Variants in ADAM18 observed in about 807,000 individuals in gnomAD.
ADAM18 encodes disintegrin and metalloproteinase domain-containing protein 18.
In ADAM18, 117 loss-of-function variants were observed where a neutral mutation model predicts 94.4. The ratio of observed to expected loss-of-function variants is 1.24; its 90% CI spans 1.07 to 1.45. The LOEUF is 1.45. ADAM18 is among the 40% of genes most tolerant of loss of function. The probability of loss-of-function intolerance (pLI) is 0.00; values close to 1 mark genes in which losing one functional copy is unlikely to be tolerated. For synonymous variants in ADAM18, 327 were observed against 291.6 expected (o/e 1.12, Z -1.24); for missense variants, 936 against 880.0 (o/e 1.06, Z -0.81).
chr8:39,590,136 G>T (rs958184824), intron 2 of ADAM18, among the ~76,000 whole-genome samples: 1 of 151,486 alleles, frequency 6.6e-6, no homozygotes, highest in Admixed American at 6.6e-5. Context: ...ACATGCACAC[G>T]TATGTTTATT....
chr8:39,675,958 C>T (rs952792768), intron 14 of ADAM18, among the ~76,000 whole-genome samples: 4 of 152,224 alleles, frequency 2.6e-5, no homozygotes, highest in African/African-American at 9.6e-5. Context: ...CCAGTGGAGG[C>T]TGCAGAACAG....
At chr8:39,643,097 T>A (rs1359441757) in intron 10 of ADAM18, among the ~76,000 whole-genome samples, 2 of 152,154 alleles carry the variant, frequency 1.3e-5, no homozygotes, top group Non-Finnish European at 2.9e-5. Context: ...TTATTGTTGG[T>A]GTATAGGAAT....
At chr8:39,672,601 C>T (rs1038004829) in intron 14 of ADAM18, among the ~76,000 whole-genome samples, 11 of 152,268 alleles carry the variant, frequency 7.2e-5, no homozygotes, top group African/African-American at 2.2e-4. Context: ...GTAAATATCG[C>T]AATGTTAGGT....
At chr8:39,668,636 G>A (rs1376137228) in intron 14 of ADAM18, among the ~76,000 whole-genome samples, 2 of 152,094 alleles carry the variant, frequency 1.3e-5, no homozygotes, top group African/African-American at 4.8e-5. Context: ...TAAGCCACCT[G>A]ATCAAAATTC....
intron 5 of ADAM18, among the ~76,000 whole-genome samples, chr8:39,610,269 G>A (rs1243402578): frequency 4.6e-5 from 7 of 151,978 alleles, no homozygotes; most frequent in Non-Finnish European, 1.5e-5. Context: ...TGGCAAATTT[G>A]GCCTTAATTA....
At chr8:39,675,392 C>A (rs1441722142) in intron 14 of ADAM18, among the ~76,000 whole-genome samples, 1 of 152,022 alleles carries the variant, frequency 6.6e-6, no homozygotes, top group Admixed American at 6.6e-5. Context: ...TCATTGATAC[C>A]CTTTCTTCCA....
intron 2 of ADAM18, among the ~76,000 whole-genome samples, chr8:39,600,990 G>C (rs368638211): frequency 8.5e-5 from 13 of 152,274 alleles, no homozygotes; most frequent in African/African-American, 2.9e-4. Flanking sequence ...TGTACAGGAA[G>C]CATGGCTGGG....
intron 12 of ADAM18, among the ~76,000 whole-genome samples, chr8:39,662,690 C>A (rs1025039944): frequency 6.6e-6 from 1 of 152,100 alleles, no homozygotes; most frequent in African/African-American, 2.4e-5. Flanking sequence ...AGTGGCATGA[C>A]CTTGGCTCAC....
At chr8:39,626,409 T>A (rs180700618) in intron 6 of ADAM18, among the ~76,000 whole-genome samples, 2 of 152,046 alleles carry the variant, frequency 1.3e-5, no homozygotes, top group African/African-American at 4.8e-5. Flanking sequence ...CATTTAAACC[T>A]GCTCCGATCT....
At chr8:39,690,803 T>C (rs1043511783) in intron 16 of ADAM18, among the ~76,000 whole-genome samples, 7 of 152,176 alleles carry the variant, frequency 4.6e-5, no homozygotes, top group Non-Finnish European at 1.0e-4. Context: ...TTTGGAGATT[T>C]CTCAAAGAAC....
chr8:39,661,195 C>A (rs1421281263), intron 12 of ADAM18, among the ~76,000 whole-genome samples: 1 of 146,438 alleles, frequency 6.8e-6, no homozygotes, highest in Admixed American at 6.8e-5. Flanking sequence ...GTTTGTCGCC[C>A]AGGCTGGAGT....
rs1820774049 is a variant in ADAM18 at position 39,659,492 on chromosome 8, TAAG to T, written c.1231-4298_1231-4296del. Among the ~76,000 whole-genome samples, 3 of 152,000 alleles carry T rather than the reference TAAG, an allele frequency of 2.0e-5. No homozygotes were observed. In the South Asian group the frequency reaches 6.2e-4, roughly 31 times the overall value. On this transcript the variant is annotated intron_variant, in intron 12 of 19. Transcript: ENST00000265707. ...TAGCAATTACTAAAAATGTAAAAAC[TAAG>T]AAGATGGGCAAGATAGTGAACTTAA...
At chr8:39,591,156 T>TA (rs1437720332) in intron 2 of ADAM18, among the ~76,000 whole-genome samples, 2 of 152,230 alleles carry the variant, frequency 1.3e-5, no homozygotes, top group Non-Finnish European at 2.9e-5. Context: ...TTTTGCTGGT[T>TA]ACAATCAGGC....
intron 11 of ADAM18, among the ~76,000 whole-genome samples, chr8:39,648,060 A>G (rs1277280373): frequency 6.6e-6 from 1 of 152,208 alleles, no homozygotes; most frequent in Non-Finnish European, 1.5e-5. Flanking sequence ...CAATAGATAG[A>G]TGGTTAGATA....
At chr8:39,721,706 A>T (rs1167277314) in intron 18 of ADAM18, among the ~76,000 whole-genome samples, 1 of 151,610 alleles carries the variant, frequency 6.6e-6, no homozygotes, top group African/African-American at 2.4e-5. Context: ...TAAAACTACA[A>T]TGAGTTATGT....
At chr8:39,679,438 A>G (rs1398955905) in intron 15 of ADAM18, among the ~76,000 whole-genome samples, 5 of 152,324 alleles carry the variant, frequency 3.3e-5, no homozygotes, top group African/African-American at 1.2e-4. Flanking sequence ...CAAATGGCAA[A>G]ATACAGCATC....
chr8:39,683,702 C>T (rs963329873), intron 16 of ADAM18, among the ~76,000 whole-genome samples: 1 of 152,160 alleles, frequency 6.6e-6, no homozygotes, highest in African/African-American at 2.4e-5. Flanking sequence ...GTGTATCCTC[C>T]TGAGTAAAGT....
chr8:39,691,258 A>G (rs180936730), intron 16 of ADAM18, among the ~76,000 whole-genome samples: 30 of 152,298 alleles, frequency 2.0e-4, no homozygotes, highest in Admixed American at 1.8e-3. Context: ...GCACGTATAC[A>G]ACGTATAATG....
Position 39,674,969 on chromosome 8 carries a change from G to A in ADAM18, c.1526-2462G>A, listed in dbSNP as rs187488339. Among the ~76,000 whole-genome samples the A allele has an allele frequency of 5.7e-4, 87 of 152,310 alleles. 2 individuals carry two copies. In the East Asian group the frequency reaches 0.016, roughly 28 times the overall value. On this transcript the variant is annotated intron_variant, in intron 14 of 19. Coordinates refer to ENST00000265707, the MANE Select transcript of ADAM18 (RefSeq NM_014237.3). ...ATTTGCCCCCACTCTCTTCTGGCTT[G>A]TAGGGTTTCTGCCGAGAGATCCACT...
Sources: allele counts gnomAD v4.1 joint callset (sites outside exome capture counted in the v4.1 genomes callset), GRCh38; gene constraint gnomAD v4.1.1; transcripts MANE v1.5; gene names NCBI Gene and HGNC (gene_info 2026-07-23, HGNC 2026-07-21).